The following ZNF723 variants were observed in gnomAD, a reference collection of about 807,000 sequenced individuals.
The protein encoded by ZNF723 is zinc finger protein 723, also known as zinc finger protein 723, pseudogene.
ZNF723 carries 5 observed loss-of-function variants against 9.4 expected under a neutral mutation model. The observed-to-expected ratio is 0.53, with a 90% CI of 0.28 to 1.12. The LOEUF is 1.12. Ranked by LOEUF, ZNF723 falls within the 50% of genes most tolerant of loss-of-function variation. The pLI, the probability that ZNF723 is intolerant of heterozygous loss-of-function variation, is 0.10. For synonymous variants in ZNF723, 158 were observed against 168.8 expected, an observed-to-expected ratio of 0.94 and a Z score of 0.49; for missense variants, 450 against 501.5, an observed-to-expected ratio of 0.90 and a Z score of 0.98.
intron 1 of ZNF723, among the ~76,000 whole-genome samples, chr19:22,845,845 T>C (rs1369681268): frequency 6.7e-6 from 1 of 148,616 alleles, no homozygotes; most frequent in Non-Finnish European, 1.5e-5. Context: ...GAATCTCAAC[T>C]GAAAAGGAAT....
intron 1 of ZNF723, among the ~76,000 whole-genome samples, chr19:22,833,639 T>C (rs1967126403): frequency 6.6e-6 from 1 of 151,982 alleles, no homozygotes; most frequent in Non-Finnish European, 1.5e-5. Flanking sequence ...AAACAGAGTC[T>C]CACTCTGTTG....
the ZNF723 span, among the ~76,000 whole-genome samples, chr19:22,826,236 G>C: frequency 1.3e-5 from 2 of 152,136 alleles, no homozygotes; most frequent in African/African-American, 4.8e-5. Flanking sequence ...CATATTTCTG[G>C]TCCAGTGCCC....
chr19:22,837,336 T>G (rs1308551177), intron 1 of ZNF723, among the ~76,000 whole-genome samples: 1 of 145,614 alleles, frequency 6.9e-6, no homozygotes, highest in African/African-American at 2.5e-5. Context: ...AAGGAAGAAA[T>G]GTAGATGGGC....
intron 1 of ZNF723, among the ~76,000 whole-genome samples, chr19:22,842,173 T>G (rs933949761): frequency 4.6e-5 from 7 of 152,150 alleles, no homozygotes; most frequent in Non-Finnish European, 8.8e-5. Context: ...GCTGGCTAAT[T>G]TTTGTATTTT....
chr19:22,837,712 C>T (rs1454438624), intron 1 of ZNF723, among the ~76,000 whole-genome samples: 2 of 152,180 alleles, frequency 1.3e-5, no homozygotes, highest in Non-Finnish European at 2.9e-5. Flanking sequence ...AGGATTCCCA[C>T]CCACTCACAG....
chr19:22,818,509 C>G, the ZNF723 span, among the ~76,000 whole-genome samples: 1 of 152,168 alleles, frequency 6.6e-6, no homozygotes, highest in Non-Finnish European at 1.5e-5. Flanking sequence ...GATTGAGTCT[C>G]CCATGCAAGG....
the ZNF723 span, among the ~76,000 whole-genome samples, chr19:22,818,234 G>C: frequency 1.3e-5 from 2 of 151,942 alleles, no homozygotes; most frequent in Admixed American, 6.6e-5. Flanking sequence ...TTCATCAGGT[G>C]GTACACAGAT....
At chr19:22,842,982 A>G (rs948540586) in intron 1 of ZNF723, among the ~76,000 whole-genome samples, 1 of 152,232 alleles carries the variant, frequency 6.6e-6, no homozygotes, top group Non-Finnish European at 1.5e-5. Context: ...GCCACCAGGT[A>G]TAAATAGAAT....
chr19:22,837,320 G>T (rs1967179886), intron 1 of ZNF723, among the ~76,000 whole-genome samples: 1 of 151,084 alleles, frequency 6.6e-6, no homozygotes, highest in South Asian at 2.1e-4. Context: ...AAGAAAGAAA[G>T]AAAGAAAGGA....
chr19:22,841,900 C>CG (rs958790307), intron 1 of ZNF723, among the ~76,000 whole-genome samples: 2 of 152,050 alleles, frequency 1.3e-5, no homozygotes, highest in African/African-American at 4.8e-5. Flanking sequence ...AAGAAAAAAA[C>CG]AAACCTTTCA....
intron 3 of ZNF723, among the ~76,000 whole-genome samples, chr19:22,851,983 T>C (rs12974569): frequency 0.2 from 30,730 of 151,952 alleles, 3,629 homozygotes; most frequent in African/African-American, 0.32. Context: ...GAGACGGGGT[T>C]TCTGCATGTT....
At chr19:22,817,586 G>A in the ZNF723 span, among the ~76,000 whole-genome samples, 3 of 152,054 alleles carry the variant, frequency 2.0e-5, no homozygotes, top group East Asian at 5.8e-4. Flanking sequence ...TCTGGACCCT[G>A]CCTTTAGGAA....
Position 22,857,646 on chromosome 19 carries a change from C to A in ZNF723, c.755C>A (p.Thr252Asn), listed in dbSNP as rs1967499979. 7.9e-7 allele frequency: 1 copy of A among 1,271,184 alleles called. No homozygotes were observed. Among genetic ancestry groups the A allele is most frequent in the South Asian group, 1.2e-5 (1 of 83,868 alleles). The allele number at this position is 1,271,184 out of a possible 1,614,324, so 78.7% of individuals were successfully genotyped here. A position where few individuals can be genotyped will look rare whatever the true frequency, so the allele number is the denominator to read the frequency against. Residue 252 changes from threonine to asparagine, a missense_variant, in exon 4 of 4, where the codon ACT becomes AAT. Coordinates refer to ENST00000600766, the MANE Select transcript of ZNF723 (RefSeq NM_001349726.2). ...CTTAATAATCATAAGAGAATTCATA[C>A]TGGAGAGAAACCCTACAAATGTGAA... is the stretch of plus-strand genomic sequence containing the variant. Reference protein sequence around the residue: ...SSLNNHKRIHTGEKPYKCEEC... With the variant: ...SSLNNHKRIHNGEKPYKCEEC...
At chr19:22,837,630 G>T (rs1599472137) in intron 1 of ZNF723, among the ~76,000 whole-genome samples, 2 of 152,120 alleles carry the variant, frequency 1.3e-5, no homozygotes, top group Admixed American at 6.6e-5. Flanking sequence ...TCCTCTTAGG[G>T]TGAGAGAGGA....
Position 22,858,213 on chromosome 19 carries a change from C to A in ZNF723, c.1322C>A (p.Thr441Asn). The A allele has an allele frequency of 1.5e-6, 2 of 1,370,268 alleles. No homozygotes were observed. Among genetic ancestry groups the A allele is most frequent in the Non-Finnish European group, 2.1e-6 (2 of 961,906 alleles). The allele number at this position is 1,370,268 out of a possible 1,614,324, so 84.9% of individuals were successfully genotyped here. ...GKGFSQSSTL[T>N]KHKIIHTKEK... is the part of the protein sequence containing the mutation. ...GGTTTTAGCCAATCCTCAACCCTTA[C>A]TAAACATAAGATAATTCATACTAAA... The change falls in exon 4 of 4, where the codon ACT (threonine) becomes AAT (asparagine). Residue 441 changes from threonine (T) to asparagine (N), a missense_variant. Transcript: ENST00000600766.
intron 1 of ZNF723, among the ~76,000 whole-genome samples, chr19:22,833,663 G>A (rs1355384597): frequency 6.6e-6 from 1 of 151,144 alleles, no homozygotes; most frequent in Non-Finnish European, 1.5e-5. Context: ...AGGCTGGAGT[G>A]CAATGGCATG....
intron 3 of ZNF723, among the ~76,000 whole-genome samples, chr19:22,853,924 T>C (rs1967433283): frequency 6.6e-6 from 1 of 152,212 alleles, no homozygotes; most frequent in African/African-American, 2.4e-5. Flanking sequence ...ATATGAGTTA[T>C]TGAGAAGGGT....
At chr19:22,855,047 CA>C (rs538988009) in intron 3 of ZNF723, among the ~76,000 whole-genome samples, 85 of 144,700 alleles carry the variant, frequency 5.9e-4, no homozygotes, top group South Asian at 1.1e-3. Context: ...AACTCCATCT[CA>C]AAAAAAAAAA....
chr19:22,857,483 G>C lies in ZNF723; in HGVS notation c.592G>C (p.Val198Leu). ...LTKHERNHTR[V>L]NCYKCEECGK... ...TAAACATGAAAGAAATCATACTAGA[G>C]TGAATTGTTACAAATGTGAAGAATG... Residue 198 changes from valine (V) to leucine (L), a missense_variant, in exon 4 of 4, where the codon GTG (valine) becomes CTG (leucine). Around this residue, in one of 5 missense-constraint regions of ZNF723, gnomAD observed 143 missense variants for 101.3 expected, o/e 1.41. Coordinates refer to ENST00000600766, the MANE Select transcript of ZNF723 (RefSeq NM_001349726.2). The C allele has an allele frequency of 8.9e-7, 1 of 1,124,498 alleles. No individual in the cohort carries two copies. Among genetic ancestry groups the C allele is most frequent in the South Asian group, 1.2e-5 (1 of 80,092 alleles). 69.7% of individuals were successfully genotyped at this position (1,124,498 alleles called of 1,614,324 possible). A position where few individuals can be genotyped will look rare whatever the true frequency, so the allele number is the denominator to read the frequency against.
Sources: allele counts gnomAD v4.1 joint callset (sites outside exome capture counted in the v4.1 genomes callset), GRCh38; gene constraint gnomAD v4.1.1; regional missense constraint gnomAD v4.1.1; transcripts MANE v1.5; gene names NCBI Gene and HGNC (gene_info 2026-07-23, HGNC 2026-07-21).